SEMA6D: variants seen among roughly 807,000 people sequenced by gnomAD.
SEMA6D encodes the protein semaphorin-6D.
Under a neutral mutation model 106.6 loss-of-function variants are expected in SEMA6D, and 35 were observed. The ratio of observed to expected loss-of-function variants is 0.33; its 90% CI spans 0.25 to 0.44. The LOEUF is 0.44. Ranked by LOEUF, SEMA6D falls within the 20% of genes least tolerant of loss-of-function variation. The pLI is 1.00. For missense variants in SEMA6D, 1,185 were observed against 1,345.9 expected (o/e 0.88, Z 1.87); for synonymous variants, 499 against 487.7 (o/e 1.02, Z -0.31).
rs147781025 is a variant in SEMA6D at position 47,400,393 on chromosome 15, G to A, written c.-238-12000G>A. 1.0e-3 allele frequency among the ~76,000 whole-genome samples: 155 copies of A among 149,888 alleles called. 1 individual carries two copies. Among genetic ancestry groups the A allele is most frequent in the African/African-American group, 3.7e-3 (153 of 40,870 alleles). On this transcript the variant is annotated intron_variant, in intron 1 of 19. Transcript: ENST00000558014. ...AGTCCCAGCTACTCTGGAGGCTGAG[G>A]CAGGAGAATTGATTGAACCCAGGAG...
intron 1 of SEMA6D, among the ~76,000 whole-genome samples, chr15:47,204,369 G>C (rs188089443): frequency 6.6e-6 from 1 of 152,224 alleles, no homozygotes; most frequent in East Asian, 1.9e-4. Flanking sequence ...TTGTGTGGAA[G>C]ATCATTAATG....
chr15:47,553,115 G>T (rs1188951973), intron 3 of SEMA6D, among the ~76,000 whole-genome samples: 1 of 150,446 alleles, frequency 6.6e-6, no homozygotes, highest in Admixed American at 6.7e-5. Flanking sequence ...TGTTGGCCAG[G>T]CTGGTCTCAA....
intron 4 of SEMA6D, among the ~76,000 whole-genome samples, chr15:47,630,837 C>T (rs373785794): frequency 3.2e-4 from 49 of 151,960 alleles, no homozygotes; most frequent in African/African-American, 1.2e-3. Context: ...TGTTTCTTCT[C>T]TATCAATTGA....
rs373370835 is a variant in SEMA6D at position 47,510,114 on chromosome 15, C to T, written c.-87+39569C>T. On this transcript the variant is annotated intron_variant, in intron 3 of 19. Coordinates refer to the SEMA6D transcript ENST00000558014. ...CCTGGGCCATGGACCCATACCAGTC[C>T]GTGGCCTACTAGGAACCAGGCCACA... 7.2e-5 allele frequency among the ~76,000 whole-genome samples: 11 copies of T among 152,234 alleles called. 1 individual carries two copies. The highest frequency in any genetic ancestry group is 2.6e-4 in the Admixed American group (4 of 15,302).
At chr15:47,741,801 T>C (rs1330775031) in intron 1 of SEMA6D, among the ~76,000 whole-genome samples, 1 of 152,184 alleles carries the variant, frequency 6.6e-6, no homozygotes, top group Non-Finnish European at 1.5e-5. Context: ...AAATATTTTC[T>C]ATTTGGGCCT....
intron 2 of SEMA6D, among the ~76,000 whole-genome samples, chr15:47,426,401 A>G (rs2041339899): frequency 6.6e-6 from 1 of 152,152 alleles, no homozygotes; most frequent in South Asian, 2.1e-4. Flanking sequence ...TCTGATGCAG[A>G]GCAAAACAGA....
intron 1 of SEMA6D, among the ~76,000 whole-genome samples, chr15:47,374,440 G>A (rs1879142246): frequency 6.6e-6 from 1 of 152,146 alleles, no homozygotes; most frequent in African/African-American, 2.4e-5. Context: ...TAGTCAGCAG[G>A]AATGGCAGTG....
intron 2 of SEMA6D, among the ~76,000 whole-genome samples, chr15:47,432,341 A>G (rs557649063): frequency 1.2e-3 from 190 of 152,268 alleles, no homozygotes; most frequent in South Asian, 4.3e-3. Context: ...ATAGAAACAC[A>G]TGAAAAGTAA....
chr15:47,509,758 A>T (rs2044167274), intron 3 of SEMA6D, among the ~76,000 whole-genome samples: 1 of 152,190 alleles, frequency 6.6e-6, no homozygotes, highest in Non-Finnish European at 1.5e-5. Flanking sequence ...GTGGTTCTCA[A>T]AGTATTGCCC....
chr15:47,730,671 G>A, intron 1 of SEMA6D: 1 of 1,608,748 alleles, frequency 6.2e-7, no homozygotes, highest in African/African-American at 1.3e-5. Context: ...TCGCTGTTTG[G>A]CGGTCCAGGG....
intron 1 of SEMA6D, among the ~76,000 whole-genome samples, chr15:47,234,349 G>A (rs930115494): frequency 6.6e-6 from 1 of 151,864 alleles, no homozygotes; most frequent in African/African-American, 2.4e-5. Flanking sequence ...ATTTTAATAT[G>A]TATTATTTCA....
At chr15:47,373,242 C>T (rs569482430) in intron 1 of SEMA6D, among the ~76,000 whole-genome samples, 6 of 152,270 alleles carry the variant, frequency 3.9e-5, no homozygotes, top group South Asian at 4.1e-4. Flanking sequence ...CCCACTTGTG[C>T]TTGTCATAGT....
At position 47,731,063 on chromosome 15, in the gene SEMA6D, G is replaced by A. The variant is rs186997144; in HGVS notation, c.-55+13371G>A. 4.6e-4 allele frequency: 258 copies of A among 566,078 alleles called. 1 individual carries two copies. The highest frequency in any genetic ancestry group is 7.2e-4 in the Non-Finnish European group (232 of 320,078). 35.1% of individuals were successfully genotyped at this position (566,078 alleles called of 1,614,324 possible). A position where few individuals can be genotyped will look rare whatever the true frequency, so the allele number is the denominator to read the frequency against. ...GTGCATGTAGCTACCTGTGAAAAGA[G>A]ACAGACACACAGATAGTCCAACTTC... is the stretch of plus-strand genomic sequence containing the variant. On this transcript the variant is annotated intron_variant, in intron 1 of 18. Transcript: ENST00000536845.
At chr15:47,196,082 T>C (rs934950046) in intron 1 of SEMA6D, among the ~76,000 whole-genome samples, 2 of 151,914 alleles carry the variant, frequency 1.3e-5, no homozygotes, top group East Asian at 3.9e-4. Context: ...GCAGGTGATA[T>C]TCATCCAGCA....
intron 1 of SEMA6D, among the ~76,000 whole-genome samples, chr15:47,357,891 C>T (rs746776378): frequency 9.9e-5 from 15 of 152,170 alleles, no homozygotes; most frequent in Non-Finnish European, 1.5e-4. Flanking sequence ...GCAATGACAT[C>T]GGGTTGTCCA....
chr15:47,444,820 A>G (rs1008481281), intron 2 of SEMA6D, among the ~76,000 whole-genome samples: 53 of 152,052 alleles, frequency 3.5e-4, no homozygotes, highest in African/African-American at 1.2e-3. Context: ...GTTACAGTGC[A>G]CTCTTTTAGC....
chr15:47,276,249 G>A (rs1459729743), intron 1 of SEMA6D, among the ~76,000 whole-genome samples: 1 of 152,180 alleles, frequency 6.6e-6, no homozygotes, highest in African/African-American at 2.4e-5. Flanking sequence ...TTATCCAGAA[G>A]ATCTGGCTAA....
At chr15:47,357,131 G>C (rs1020765976) in intron 1 of SEMA6D, among the ~76,000 whole-genome samples, 1 of 151,840 alleles carries the variant, frequency 6.6e-6, no homozygotes, top group Non-Finnish European at 1.5e-5. Context: ...TCAGGAGATC[G>C]AGACCATCCT....
chr15:47,598,712 T>C (rs935680474), intron 3 of SEMA6D, among the ~76,000 whole-genome samples: 1 of 152,146 alleles, frequency 6.6e-6, no homozygotes, highest in African/African-American at 2.4e-5. Context: ...AGGGCCACAT[T>C]AATTAGAGTG....
Sources: allele counts gnomAD v4.1 joint callset (sites outside exome capture counted in the v4.1 genomes callset), GRCh38; gene constraint gnomAD v4.1.1; transcripts MANE v1.5; gene names NCBI Gene and HGNC (gene_info 2026-07-23, HGNC 2026-07-21).